BTBD8: variants seen among roughly 807,000 people sequenced by gnomAD.
BTBD8 encodes the protein BTB domain containing 8.
In BTBD8, 110 loss-of-function variants were observed where a neutral mutation model predicts 162.9. That is an observed-to-expected ratio of 0.68 (90% CI 0.58 to 0.79). The LOEUF is 0.79. Among genes scored for constraint, BTBD8 ranks in the 30% least tolerant of loss-of-function variants. The probability of loss-of-function intolerance (pLI) is 0.00; values close to 1 mark genes in which losing one functional copy is unlikely to be tolerated. For missense variants in BTBD8, 1,905 were observed against 2,085.4 expected, an observed-to-expected ratio of 0.91 and a Z score of 1.68; for synonymous variants, 667 against 716.1, an observed-to-expected ratio of 0.93 and a Z score of 1.10.
chr1:92,173,835 T>C (rs1321823041), intron 13 of BTBD8, among the ~76,000 whole-genome samples: 1 of 152,222 alleles, frequency 6.6e-6, no homozygotes, highest in South Asian at 2.1e-4. Context: ...ATGTAGTAAG[T>C]GCTCAATAAA....
At position 92,121,796 on chromosome 1, in the gene BTBD8, CTT is replaced by C. The variant is rs557725403; in HGVS notation, c.663-7889_663-7888del. ...GTGCTTATTTGCCATCTGTATACCT[CTT>C]TGGTTAGTTTTCTGTTTATATCTTT... On this transcript the variant is annotated intron_variant, in intron 4 of 17. Transcript: ENST00000636805. Among the ~76,000 whole-genome samples, 268 of 151,784 alleles carry C rather than the reference CTT, an allele frequency of 1.8e-3. 3 individuals are homozygous for C. Among genetic ancestry groups the C allele is most frequent in the African/African-American group, 5.9e-3 (245 of 41,452 alleles).
intron 2 of BTBD8, among the ~76,000 whole-genome samples, chr1:92,099,321 A>G (rs1648527697): frequency 2.0e-5 from 3 of 152,088 alleles, no homozygotes; most frequent in Admixed American, 1.3e-4. Context: ...AAAATTGAGA[A>G]GTGTGAATCC....
intron 4 of BTBD8, among the ~76,000 whole-genome samples, chr1:92,125,047 C>T (rs1649318523): frequency 1.3e-5 from 2 of 151,696 alleles, no homozygotes; most frequent in African/African-American, 4.8e-5. Context: ...ATTGATATTT[C>T]CTTAAGATTT....
chr1:92,181,610 A>T lies in BTBD8; in HGVS notation c.3927A>T (p.Glu1309Asp). The T allele has an allele frequency of 6.4e-7, 1 of 1,551,330 alleles. No homozygotes were observed. The highest frequency in any genetic ancestry group is 1.2e-5 in the South Asian group (1 of 83,982). Residue 1309 changes from glutamate (E) to aspartate (D), a missense_variant, in exon 17 of 18, where the codon GAA becomes GAT. Glu to Asp is a conservative substitution (Grantham distance 45). Coordinates refer to ENST00000636805, the MANE Select transcript of BTBD8 (RefSeq NM_001376131.1). ...GCAGTGATACCAGTACTCCTGAAGAATTAAAAATTTATGATAGTAATTTAA... is the reference window on the plus strand; with the variant it reads ...GCAGTGATACCAGTACTCCTGAAGATTTAAAAATTTATGATAGTAATTTAA... Reference protein sequence around the residue: ...RSSSDTSTPEELKIYDSNLRI... With the variant: ...RSSSDTSTPEDLKIYDSNLRI...
At chr1:92,175,834 T>C (rs918637532) in intron 13 of BTBD8, among the ~76,000 whole-genome samples, 2 of 152,014 alleles carry the variant, frequency 1.3e-5, no homozygotes, top group Non-Finnish European at 2.9e-5. Flanking sequence ...AGAATGACAA[T>C]ATGATCTTAA....
intron 17 of BTBD8, 22 bp from the exon 18 acceptor site, chr1:92,183,842 G>A: frequency 2.0e-6 from 3 of 1,511,412 alleles, no homozygotes; most frequent in Non-Finnish European, 2.7e-6. Flanking sequence ...TTTACATTGT[G>A]TAGTATTATG....
At chr1:92,172,751 CTGAGAGTT>C (rs1238224497) in intron 13 of BTBD8, among the ~76,000 whole-genome samples, 1 of 152,236 alleles carries the variant, frequency 6.6e-6, no homozygotes, top group African/African-American at 2.4e-5. Context: ...CAAGCCACAA[CTGAGAGTT>C]GTCATGGCTT....
chr1:92,125,182 AG>A (rs1256482912), intron 4 of BTBD8: 1 of 153,154 alleles, frequency 6.5e-6, no homozygotes, highest in Admixed American at 6.5e-5. Context: ...TTGGAGGCAG[AG>A]TAGGGTGGAC....
chr1:92,127,376 C>T (rs1649388571), intron 4 of BTBD8, among the ~76,000 whole-genome samples: 1 of 152,110 alleles, frequency 6.6e-6, no homozygotes, highest in African/African-American at 2.4e-5. Context: ...GTATGATCTC[C>T]TATGCTTATC....
intron 4 of BTBD8, among the ~76,000 whole-genome samples, chr1:92,128,265 C>T (rs1310564669): frequency 2.0e-5 from 3 of 149,908 alleles, no homozygotes; most frequent in Admixed American, 6.6e-5. Flanking sequence ...TACAGGCACC[C>T]GCCACCACAC....
intron 16 of BTBD8, among the ~76,000 whole-genome samples, 193 bp from the exon 17 acceptor site, chr1:92,180,072 T>G (rs1428463972): frequency 6.6e-6 from 1 of 152,198 alleles, no homozygotes; most frequent in Non-Finnish European, 1.5e-5. Context: ...TATTTTTAAT[T>G]GAAAAAATTT....
chr1:92,097,757 CAG>C (rs1444889605), intron 2 of BTBD8, among the ~76,000 whole-genome samples: 2 of 152,084 alleles, frequency 1.3e-5, no homozygotes, highest in East Asian at 3.9e-4. Context: ...TATGATAAAT[CAG>C]GGGTCATAGG....
chr1:92,142,866 A>G (rs546496524), intron 7 of BTBD8, among the ~76,000 whole-genome samples: 1 of 152,220 alleles, frequency 6.6e-6, no homozygotes, highest in African/African-American at 2.4e-5. Context: ...CCCTACTACC[A>G]TCTTGGTCTC....
chr1:92,182,552 C>G lies in BTBD8; in HGVS notation c.4869C>G (p.Ser1623Arg). 6.5e-7 allele frequency: 1 copy of G among 1,527,210 alleles called. No homozygotes were observed. Among genetic ancestry groups the G allele is most frequent in the Non-Finnish European group, 8.8e-7 (1 of 1,139,980 alleles). The allele number at this position is 1,527,210 out of a possible 1,614,324, so 94.6% of individuals were successfully genotyped here. Residue 1623 changes from serine (S) to arginine (R), a missense_variant, in exon 17 of 18, where the codon AGC (serine) becomes AGG (arginine). Physicochemically the swap from Ser to Arg is moderately radical, Grantham distance 110 (BLOSUM62 -1). Transcript: ENST00000636805. ...VLPQEGPVKE[S>R]HSTTTEKANI... ...CTCAGGAAGGTCCAGTGAAAGAGAGCCATTCTACAACTACTGAAAAAGCTA... is the reference window on the plus strand; with the variant it reads ...CTCAGGAAGGTCCAGTGAAAGAGAGGCATTCTACAACTACTGAAAAAGCTA...
intron 2 of BTBD8, among the ~76,000 whole-genome samples, chr1:92,090,144 A>G (rs1458170802): frequency 6.6e-6 from 1 of 152,144 alleles, no homozygotes; most frequent in African/African-American, 2.4e-5. Flanking sequence ...ATTTTTCTTG[A>G]GTATATACCT....
At chr1:92,169,040 G>A in intron 12 of BTBD8, 45 bp downstream of exon 12, 3 of 1,458,034 alleles carry the variant, frequency 2.1e-6, no homozygotes, top group Non-Finnish European at 2.8e-6. Flanking sequence ...AATGATCATT[G>A]TGACAGCAGA....
intron 5 of BTBD8, among the ~76,000 whole-genome samples, chr1:92,135,246 C>T (rs535041326): frequency 1.1e-4 from 16 of 151,916 alleles, no homozygotes; most frequent in South Asian, 2.1e-4. Context: ...AGTGCAGTTG[C>T]GCGAACTTGG....
rs1320341401 is a variant in BTBD8, at chr1:92,107,990, T to C, written c.651T>C (p.Phe217=). The C allele has an allele frequency of 1.2e-6, 2 of 1,612,516 alleles. No homozygotes were observed. Among genetic ancestry groups the C allele is most frequent in the African/African-American group, 1.3e-5 (1 of 75,016 alleles). ...ATATTTTTGTTGATGGAAAACGTTT[T>C]AAAGCTCACAGGTAAATAGACACGA... ...DIDIFVDGKR[F]KAHRAILSAR... is the part of the protein sequence containing the mutation. The change falls in exon 4 of 18, where the codon TTT becomes TTC. Residue 217 remains phenylalanine, a synonymous_variant. Coordinates refer to ENST00000636805, the MANE Select transcript of BTBD8 (RefSeq NM_001376131.1).
intron 2 of BTBD8, among the ~76,000 whole-genome samples, chr1:92,095,425 CCCT>C (rs550925985): frequency 1.6e-4 from 24 of 152,128 alleles, no homozygotes; most frequent in Non-Finnish European, 2.1e-4. Flanking sequence ...ATGGTGTGCC[CCCT>C]CCTCTTGTAA....
Sources: allele counts gnomAD v4.1 joint callset (sites outside exome capture counted in the v4.1 genomes callset), GRCh38; gene constraint gnomAD v4.1.1; transcripts MANE v1.5; gene names NCBI Gene and HGNC (gene_info 2026-07-23, HGNC 2026-07-21).